SEPTIN7: variants seen among roughly 807,000 people sequenced by gnomAD.
The protein encoded by SEPTIN7 is septin-7.
SEPTIN7 carries 10 observed loss-of-function variants against 63.3 expected under a neutral mutation model. The ratio of observed to expected loss-of-function variants is 0.16; its 90% CI spans 0.10 to 0.27. SEPTIN7 has a LOEUF of 0.27. Among genes scored for constraint, SEPTIN7 ranks in the 10% least tolerant of loss-of-function variants. The pLI is 1.00. For missense variants in SEPTIN7, 310 were observed against 521.0 expected, an observed-to-expected ratio of 0.59 and a Z score of 3.94; for synonymous variants, 131 against 165.3, an observed-to-expected ratio of 0.79 and a Z score of 1.59.
At chr7:35,871,914 A>T (rs960733095) in intron 4 of SEPTIN7, among the ~76,000 whole-genome samples, 1 of 152,190 alleles carries the variant, frequency 6.6e-6, no homozygotes, top group Non-Finnish European at 1.5e-5. Context: ...ATGATAATAC[A>T]TCTTCTGATA....
intron 3 of SEPTIN7, among the ~76,000 whole-genome samples, chr7:35,851,506 T>TA (rs1488432259): frequency 6.6e-6 from 1 of 152,154 alleles, no homozygotes; most frequent in Non-Finnish European, 1.5e-5. Flanking sequence ...ATGTTACAGA[T>TA]ATTCTTTTTA....
In SEPTIN7 at chr7:35,901,365, C is replaced by CAT. The variant is rs543070988; in HGVS notation, c.1135-1710_1135-1709dup. 9.8e-5 allele frequency: 15 copies of CAT among 152,298 alleles called. No homozygotes were observed. In the East Asian group the frequency reaches 2.5e-3, roughly 25 times the overall value. The allele number at this position is 152,298 out of a possible 1,614,324, so 9.4% of individuals were successfully genotyped here. On this transcript the variant is annotated intron_variant, in intron 12 of 13. Transcript: ENST00000350320. ...AAACTCTGAAAACTGCAAAACCTAACATGAACTAAGTTTTAATCCTACATA... is the reference window on the plus strand; with the variant it reads ...AAACTCTGAAAACTGCAAAACCTAACATATGAACTAAGTTTTAATCCTACATA...
intron 6 of SEPTIN7, among the ~76,000 whole-genome samples, chr7:35,875,203 A>G (rs1175875781): frequency 7.2e-5 from 11 of 152,178 alleles, no homozygotes; most frequent in Non-Finnish European, 2.9e-5. Flanking sequence ...AATGATATGT[A>G]GTGGCTTTGT....
intron 3 of SEPTIN7, among the ~76,000 whole-genome samples, chr7:35,846,453 G>C (rs1272431157): frequency 6.6e-6 from 1 of 152,168 alleles, no homozygotes; most frequent in East Asian, 1.9e-4. Flanking sequence ...CTATAGGTGT[G>C]TGAATGCTCA....
chr7:35,845,066 TATAAAAA>T (rs1315620171), intron 3 of SEPTIN7, among the ~76,000 whole-genome samples: 1 of 151,834 alleles, frequency 6.6e-6, no homozygotes, highest in African/African-American at 2.4e-5. Flanking sequence ...TCTAAAAAAA[TATAAAAA>T]ATAAAAATAA....
chr7:35,863,617 G>C lies in SEPTIN7; in HGVS notation c.235G>C (p.Glu79Gln). ...SLFLTDLYSP[E>Q]YPGPSHRIKK... is the part of the protein sequence containing the mutation. The stretch of plus-strand genomic sequence containing the variant: ...ATTCCTCACAGATTTGTATTCTCCA[G>C]AGTATCCAGGTCCTTCTCATAGAAT... Residue 79 changes from glutamate to glutamine, a missense_variant, in exon 4 of 14, where the codon GAG (glutamate) becomes CAG (glutamine). Coordinates refer to ENST00000350320, the MANE Select transcript of SEPTIN7 (RefSeq NM_001788.6). 6.3e-7 allele frequency: 1 copy of C among 1,586,832 alleles called. No homozygotes were observed. Among genetic ancestry groups the C allele is most frequent in the Non-Finnish European group, 8.5e-7 (1 of 1,171,940 alleles).
chr7:35,856,655 C>A (rs962540663), intron 3 of SEPTIN7, among the ~76,000 whole-genome samples: 11 of 152,264 alleles, frequency 7.2e-5, no homozygotes, highest in African/African-American at 1.9e-4. Context: ...TTTTCTGCCT[C>A]CTTACCCTGA....
intron 3 of SEPTIN7, among the ~76,000 whole-genome samples, chr7:35,856,600 C>T (rs1785220181): frequency 1.3e-5 from 2 of 152,136 alleles, no homozygotes; most frequent in African/African-American, 4.8e-5. Flanking sequence ...ATGTATGGAA[C>T]CAGAAAAAGC....
intron 4 of SEPTIN7, among the ~76,000 whole-genome samples, chr7:35,866,462 A>G (rs1433365232): frequency 6.6e-6 from 1 of 152,196 alleles, no homozygotes; most frequent in African/African-American, 2.4e-5. Context: ...TGAGTTTCAG[A>G]AGACAAACGT....
rs940027149 is a variant in SEPTIN7, at chr7:35,831,931, C to T, written c.66+435C>T. The T allele has an allele frequency of 2.0e-5, 6 of 300,142 alleles. No individual in the cohort carries two copies. In the East Asian group the frequency reaches 3.1e-4, roughly 16 times the overall value. 18.6% of individuals were successfully genotyped at this position (300,142 alleles called of 1,614,324 possible). On this transcript the variant is annotated intron_variant, in intron 2 of 13. Coordinates refer to ENST00000350320, the MANE Select transcript of SEPTIN7 (RefSeq NM_001788.6). Reference sequence around the variant, plus strand: ...TTAAGAGAATGTGTGCCTCTTTTTGCTATTTTTTAATGTTGAGATAAGACT... The same window carrying T: ...TTAAGAGAATGTGTGCCTCTTTTTGTTATTTTTTAATGTTGAGATAAGACT...
At chr7:35,875,364 A>G (rs562732822) in intron 6 of SEPTIN7, among the ~76,000 whole-genome samples, 1 of 152,316 alleles carries the variant, frequency 6.6e-6, no homozygotes, top group South Asian at 2.1e-4. Context: ...AAGTGAAGGA[A>G]TATGACACAG....
intron 1 of SEPTIN7, among the ~76,000 whole-genome samples, chr7:35,814,270 T>G (rs1788911687): frequency 6.6e-6 from 1 of 152,206 alleles, no homozygotes; most frequent in Non-Finnish European, 1.5e-5. Context: ...TTGTTCCATG[T>G]GCTCACCAAC....
intron 1 of SEPTIN7, among the ~76,000 whole-genome samples, chr7:35,819,891 T>G (rs1387115222): frequency 6.6e-6 from 1 of 152,188 alleles, no homozygotes; most frequent in African/African-American, 2.4e-5. Flanking sequence ...TGGAGTCCTA[T>G]TATACCTGAA....
rs1301170700 is a variant in SEPTIN7, at chr7:35,801,720, TGGCTAGGAGGGTGGG to T, written c.61+452_61+466del. On this transcript the variant is annotated intron_variant, in intron 1 of 13. Transcript: ENST00000350320. Reference sequence around the variant, plus strand: ...AAGTCCCCTCGTGGGGCAGTGGGCCTGGCTAGGAGGGTGGGGACGAGTGTGAACGCTCGGGCGAGG... The same window carrying T: ...AAGTCCCCTCGTGGGGCAGTGGGCCTGACGAGTGTGAACGCTCGGGCGAGG... Among the ~76,000 whole-genome samples, 37 of 151,602 alleles carry T rather than the reference TGGCTAGGAGGGTGGG, an allele frequency of 2.4e-4. 1 individual carries two copies. Among genetic ancestry groups the T allele is most frequent in the Non-Finnish European group, 4.4e-5 (3 of 67,876 alleles).
At chr7:35,859,401 C>T (rs1785382708) in intron 3 of SEPTIN7, among the ~76,000 whole-genome samples, 1 of 152,102 alleles carries the variant, frequency 6.6e-6, no homozygotes, top group Non-Finnish European at 1.5e-5. Context: ...TTTATTAAGA[C>T]TTGTTTCTTT....
chr7:35,871,554 T>G (rs572867679), intron 4 of SEPTIN7, among the ~76,000 whole-genome samples: 2 of 152,314 alleles, frequency 1.3e-5, no homozygotes, highest in Admixed American at 1.3e-4. Flanking sequence ...AATTCCATCA[T>G]CTCAGAAAGT....
intron 3 of SEPTIN7, among the ~76,000 whole-genome samples, chr7:35,852,801 A>G (rs1785024548): frequency 6.6e-6 from 1 of 152,178 alleles, no homozygotes; most frequent in Admixed American, 6.5e-5. Flanking sequence ...ACTTGACTTG[A>G]GTCAATACAA....
intron 11 of SEPTIN7, 26 bp from the exon 12 acceptor site, chr7:35,898,222 A>C (rs1788071812): frequency 6.7e-7 from 1 of 1,485,706 alleles, no homozygotes; most frequent in Non-Finnish European, 9.0e-7. Context: ...CAGACATTTA[A>C]TGATTACCCT....
intron 1 of SEPTIN7, among the ~76,000 whole-genome samples, chr7:35,830,988 C>T (rs1159386927): frequency 6.6e-6 from 1 of 152,300 alleles, no homozygotes; most frequent in South Asian, 2.1e-4. Context: ...AAAACATTTG[C>T]ATTTGTCTGA....
Sources: allele counts gnomAD v4.1 joint callset (sites outside exome capture counted in the v4.1 genomes callset), GRCh38; gene constraint gnomAD v4.1.1; transcripts MANE v1.5; gene names NCBI Gene and HGNC (gene_info 2026-07-23, HGNC 2026-07-21).